Variants in DLGAP2 observed in about 807,000 individuals in gnomAD.
DLGAP2 encodes the protein DLG associated protein 2, also known as disks large-associated protein 2.
A neutral mutation model predicts 100.3 loss-of-function variants in DLGAP2; 26 were observed. The ratio of observed to expected loss-of-function variants is 0.26; its 90% CI spans 0.19 to 0.36. DLGAP2 has a LOEUF of 0.36. DLGAP2 is among the 10% of genes least tolerant of loss of function. The pLI, the probability that DLGAP2 is intolerant of heterozygous loss-of-function variation, is 1.00. For missense variants in DLGAP2, 1,858 were observed against 1,453.2 expected (o/e 1.28, Z -4.53); for synonymous variants, 886 against 630.1 (o/e 1.41, Z -6.08).
intron 2 of DLGAP2, among the ~76,000 whole-genome samples, chr8:1,058,261 T>C (rs1016299663): frequency 1.4e-4 from 22 of 152,186 alleles, no homozygotes; most frequent in African/African-American, 5.1e-4. Flanking sequence ...AGACCTTCTT[T>C]TGGAGATGTT....
At chr8:1,051,081 T>C (rs62488533) in intron 2 of DLGAP2, among the ~76,000 whole-genome samples, 18 of 117,618 alleles carry the variant, frequency 1.5e-4, no homozygotes, top group Admixed American at 3.6e-4. Flanking sequence ...TGTGGTGGGG[T>C]CTTTTTGTGG....
At chr8:1,528,600 G>T (rs551448261) in intron 4 of DLGAP2, among the ~76,000 whole-genome samples, 56 of 152,352 alleles carry the variant, frequency 3.7e-4, no homozygotes, top group African/African-American at 1.3e-3. Context: ...ATGTGATGCT[G>T]GCTCTGTCTC....
chr8:974,365 A>G (rs1471032192), intron 2 of DLGAP2, among the ~76,000 whole-genome samples: 4 of 152,354 alleles, frequency 2.6e-5, no homozygotes, highest in African/African-American at 7.2e-5. Flanking sequence ...TGATTCAAAT[A>G]TTTAAAGTGT....
intron 2 of DLGAP2, among the ~76,000 whole-genome samples, chr8:936,782 G>T (rs1417014473): frequency 6.6e-6 from 1 of 152,200 alleles, no homozygotes; most frequent in Non-Finnish European, 1.5e-5. Flanking sequence ...CTCTGCAGAT[G>T]CCCGGGAAGT....
intron 1 of DLGAP2, among the ~76,000 whole-genome samples, chr8:820,960 G>A (rs964605690): frequency 3.3e-5 from 5 of 152,128 alleles, no homozygotes; most frequent in African/African-American, 9.7e-5. Flanking sequence ...ATTCTAGAAC[G>A]GTGGAGAGTT....
intron 2 of DLGAP2, among the ~76,000 whole-genome samples, chr8:1,229,410 T>C (rs1798487172): frequency 6.6e-6 from 1 of 152,154 alleles, no homozygotes; most frequent in African/African-American, 2.4e-5. Context: ...AACTTGATAA[T>C]GATCTGTTTA....
intron 3 of DLGAP2, among the ~76,000 whole-genome samples, chr8:1,321,847 TC>T (rs2117040399): frequency 6.6e-6 from 1 of 152,304 alleles, no homozygotes; most frequent in Non-Finnish European, 1.5e-5. Context: ...AAACAAGGGT[TC>T]CTTTCTTTGT....
chr8:1,524,601 A>G (rs561819233), intron 4 of DLGAP2, among the ~76,000 whole-genome samples: 56 of 152,232 alleles, frequency 3.7e-4, no homozygotes, highest in African/African-American at 1.3e-3. Flanking sequence ...TCACAGCGTC[A>G]TCCCTCCGTG....
intron 3 of DLGAP2, among the ~76,000 whole-genome samples, chr8:1,281,735 C>T (rs1265631638): frequency 6.6e-6 from 1 of 152,202 alleles, no homozygotes; most frequent in Non-Finnish European, 1.5e-5. Context: ...GTCCTAGCTC[C>T]TTGAAAGCCT....
At chr8:763,281 T>C (rs897543931) in intron 1 of DLGAP2, among the ~76,000 whole-genome samples, 1 of 152,190 alleles carries the variant, frequency 6.6e-6, no homozygotes, top group African/African-American at 2.4e-5. Context: ...ATTGAGAAGG[T>C]TGCTTGTTAA....
intron 2 of DLGAP2, among the ~76,000 whole-genome samples, chr8:1,225,276 C>T (rs186263748): frequency 2.7e-4 from 41 of 152,320 alleles, no homozygotes; most frequent in Admixed American, 6.5e-4. Context: ...GTAGATGTTA[C>T]AGCGGAGGAA....
intron 3 of DLGAP2, among the ~76,000 whole-genome samples, chr8:1,367,077 T>C (rs1802126396): frequency 6.6e-6 from 1 of 152,062 alleles, no homozygotes. Flanking sequence ...ACTGTTAACA[T>C]TTACGTAGCA....
At chr8:773,011 GAC>G (rs1263915668) in intron 1 of DLGAP2, among the ~76,000 whole-genome samples, 2 of 152,188 alleles carry the variant, frequency 1.3e-5, no homozygotes, top group Non-Finnish European at 2.9e-5. Flanking sequence ...GGATGGCATG[GAC>G]ACACTTGTTT....
chr8:1,568,855 C>T (rs1252057838), intron 6 of DLGAP2, among the ~76,000 whole-genome samples: 1 of 130,726 alleles, frequency 7.6e-6, no homozygotes, highest in Non-Finnish European at 1.7e-5. Context: ...GGCCCCCATG[C>T]CACTGTCCAC....
chr8:1,627,747 GACC>G (rs1563266237), intron 7 of DLGAP2, among the ~76,000 whole-genome samples: 3 of 150,792 alleles, frequency 2.0e-5, no homozygotes, highest in African/African-American at 2.4e-5. Flanking sequence ...ATCTTGAGCC[GACC>G]TCACATTCTC....
intron 2 of DLGAP2, among the ~76,000 whole-genome samples, chr8:1,202,129 CTGTTGTGTGTGTATACACA>C (rs1797890438): frequency 6.8e-6 from 1 of 147,724 alleles, no homozygotes; most frequent in African/African-American, 2.7e-5. Context: ...ATCTGTGTGT[CTGTTGTGTGTGTATACACA>C]TGTGGTGTGT....
intron 3 of DLGAP2, among the ~76,000 whole-genome samples, chr8:1,417,725 A>AGGGGGGCACGGGGAGGCCTCACTCCT (rs1452006281): frequency 1.4e-5 from 2 of 144,244 alleles, no homozygotes; most frequent in Non-Finnish European, 3.0e-5. Flanking sequence ...GCGAGGCTCC[A>AGGGGGGCACGGGGAGGCCTCACTCCT]GACACAGAAG....
intron 6 of DLGAP2, among the ~76,000 whole-genome samples, chr8:1,624,119 T>C (rs1032081587): frequency 3.4e-4 from 52 of 152,300 alleles, no homozygotes; most frequent in African/African-American, 1.2e-3. Flanking sequence ...AATCCTTCTT[T>C]TATGTTTTCT....
intron 2 of DLGAP2, among the ~76,000 whole-genome samples, chr8:1,082,427 C>A (rs935840717): frequency 6.6e-6 from 1 of 152,184 alleles, no homozygotes; most frequent in South Asian, 2.1e-4. Context: ...GCAGCCAACA[C>A]GGGATACTAA....
Sources: gnomAD v4.1 joint callset for allele counts (sites outside exome capture counted in the v4.1 genomes callset) on GRCh38, gnomAD v4.1.1 for gene constraint, MANE v1.5 for transcripts, NCBI Gene and HGNC (gene_info 2026-07-23, HGNC 2026-07-21) for gene names.